The following POLRMT variants were observed in gnomAD, a reference collection of about 807,000 sequenced individuals.
POLRMT encodes DNA-directed RNA polymerase, mitochondrial.
POLRMT carries 114 observed loss-of-function variants against 132.2 expected under a neutral mutation model. The observed-to-expected ratio is 0.86, with a 90% confidence interval of 0.74 to 1.01. The LOEUF is 1.01. Ranked by LOEUF, POLRMT falls within the 50% of genes least tolerant of loss-of-function variation. The pLI is 0.00. For synonymous variants in POLRMT, 1,020 were observed against 773.4 expected (o/e 1.32, Z -5.29); for missense variants, 2,003 against 1,729.1 (o/e 1.16, Z -2.81).
At position 621,866 on chromosome 19, in the gene POLRMT, C is replaced by T. The variant is rs771632426; in HGVS notation, c.1852-20G>A. 5.6e-6 allele frequency: 9 copies of T among 1,599,742 alleles called. 1 individual carries two copies. The highest frequency in any genetic ancestry group is 2.7e-5 in the African/African-American group (2 of 74,936). On this transcript the variant is annotated intron_variant, in intron 9 of 20. Coordinates refer to ENST00000588649, the MANE Select transcript of POLRMT (RefSeq NM_005035.4). The stretch of plus-strand genomic sequence containing the variant: ...GCCGATCTGGGGTGCGACAGGCAGA[C>T]GGGTCAGGGCCCCGGTGCTGGGGCT...
At chr19:626,300 T>C (rs891615001) in intron 3 of POLRMT, among the ~76,000 whole-genome samples, 1 of 151,606 alleles carries the variant, frequency 6.6e-6, no homozygotes, top group African/African-American at 2.4e-5. Context: ...TACAGGCACA[T>C]GCCACCACAC....
rs1274276712 is a variant in POLRMT at position 622,820 on chromosome 19, C to T, written c.1455+1G>A. ...ACCCGGCCGCGCGGAGGAAGACGCA[C>T]CTGCAGGAGCATCCGCACCACCTCG... On this transcript the variant is annotated splice_donor_variant, in intron 7 of 20. Coordinates refer to ENST00000588649, the MANE Select transcript of POLRMT (RefSeq NM_005035.4). LOFTEE classifies it high-confidence loss of function. 1.9e-6 allele frequency: 3 copies of T among 1,590,110 alleles called. No individual in the cohort carries two copies. Among genetic ancestry groups the T allele is most frequent in the Middle Eastern group, 1.9e-4 (1 of 5,340 alleles).
intron 2 of POLRMT, among the ~76,000 whole-genome samples, chr19:630,687 C>T (rs1985349508): frequency 2.0e-5 from 3 of 152,176 alleles, no homozygotes; most frequent in Admixed American, 2.0e-4. Flanking sequence ...AGCAAGACCC[C>T]CCCAGCTGGT....
intron 5 of POLRMT, 142 bp downstream of exon 5, chr19:624,577 C>T: frequency 1.0e-6 from 1 of 968,560 alleles, no homozygotes; most frequent in East Asian, 2.7e-5. Flanking sequence ...CCCATCTTCT[C>T]AGAGGAGGAA....
In POLRMT at chr19:621,324, G is replaced by C; in HGVS notation, c.2374C>G (p.Arg792Gly). ...RLSLAQHLRDRVFWLPHNMDF... is the reference protein window; with the variant it reads ...RLSLAQHLRDGVFWLPHNMDF... ...ATGTTGTGCGGCAGCCAGAAGACGC[G>C]GTCCCGCAGGTGCTGCGCCAGCGAG... The change falls in exon 10 of 21, where the codon CGC becomes GGC. Residue 792 changes from arginine (R) to glycine (G), a missense_variant. Transcript: ENST00000588649. 1 of 1,593,786 alleles carries C rather than the reference G, an allele frequency of 6.3e-7. No homozygotes were observed. Among genetic ancestry groups the C allele is most frequent in the East Asian group, 2.2e-5 (1 of 44,466 alleles).
chr19:632,216 T>A (rs1442633949), intron 2 of POLRMT, among the ~76,000 whole-genome samples: 2 of 151,974 alleles, frequency 1.3e-5, no homozygotes, highest in Middle Eastern at 3.2e-3. Context: ...ATTACAGGCG[T>A]GAGCCACCGC....
intron 6 of POLRMT, 23 bp from the exon 7 acceptor site, chr19:623,008 G>A (rs1194962127): frequency 1.9e-6 from 3 of 1,607,270 alleles, no homozygotes; most frequent in Non-Finnish European, 2.5e-6. Flanking sequence ...AACGGGCCCG[G>A]TGAGCCCCGT....
chr19:628,235 T>C (rs1187699979), intron 3 of POLRMT, among the ~76,000 whole-genome samples: 6 of 152,198 alleles, frequency 3.9e-5, no homozygotes, highest in Non-Finnish European at 8.8e-5. Flanking sequence ...GCCGCCAGGT[T>C]TGGGACACTT....
chr19:629,678 G>C lies in POLRMT; in HGVS notation c.684C>G (p.Ala228=), dbSNP rs143032914. The C allele has an allele frequency of 2.2e-5, 35 of 1,609,190 alleles. No individual in the cohort carries two copies. The highest frequency in any genetic ancestry group is 6.7e-5 in the Admixed American group (4 of 59,784). ...CAGTGAGCAGGCAGCACTTGAAGAA[G>C]GCCAGGAGCCTCTGCTGCTGACCTG... ...QLSGQQQRLL[A]FFKCCLLTDQ... is the part of the protein sequence containing the mutation. Residue 228 remains alanine (A), a synonymous_variant, in exon 3 of 21, where the codon GCC becomes GCG. Transcript: ENST00000588649.
At chr19:632,479 C>T (rs1985490352) in intron 2 of POLRMT, among the ~76,000 whole-genome samples, 1 of 150,664 alleles carries the variant, frequency 6.6e-6, no homozygotes, top group African/African-American at 2.4e-5. Flanking sequence ...GCCAGGACAG[C>T]TGAGTCAGTT....
rs1227270149 is a variant in POLRMT, at chr19:619,288, C to T, written c.3075G>A (p.Val1025=). 1 of 1,608,718 alleles carries T rather than the reference C, an allele frequency of 6.2e-7. No homozygotes were observed. Among genetic ancestry groups the T allele is most frequent in the Non-Finnish European group, 8.5e-7 (1 of 1,179,336 alleles). ...RELSDFPQEF[V]WEASHYLVRQ... ...GTACGAGATAGTGAGAGGCCTCCCA[C>T]ACGAACTCCTGCAGAGGGCGGGCAG... Residue 1025 remains valine (V), a synonymous_variant, in exon 14 of 21, where the codon GTG becomes GTA. Transcript: ENST00000588649.
At chr19:617,899 C>T (rs1984129733) in intron 17 of POLRMT, 50 bp from the exon 18 acceptor site, 4 of 1,548,708 alleles carry the variant, frequency 2.6e-6, no homozygotes, top group African/African-American at 1.4e-5. Flanking sequence ...ACAGGGCCAC[C>T]CAGTGACCAG....
At position 620,999 on chromosome 19, in the gene POLRMT, CGCCGGGGGA is replaced by C. The variant is rs1309334581; in HGVS notation, c.2640+50_2640+58del. ...GGGGCGCCGGGGGAGGGCGCGGGGG[CGCCGGGGGA>C]GGGCGCGGGGGTGCCGGGAGGGCGG... On this transcript the variant is annotated intron_variant, in intron 10 of 20. Transcript: ENST00000588649. 98 of 1,249,924 alleles carry C rather than the reference CGCCGGGGGA, an allele frequency of 7.8e-5. 1 individual carries two copies. The highest frequency in any genetic ancestry group is 8.9e-5 in the Non-Finnish European group (86 of 962,584). 77.4% of individuals were successfully genotyped at this position (1,249,924 alleles called of 1,614,324 possible).
intron 16 of POLRMT, 38 bp downstream of exon 16, chr19:618,667 G>A (rs770035380): frequency 3.7e-6 from 6 of 1,604,178 alleles, no homozygotes; most frequent in Non-Finnish European, 5.1e-6. Flanking sequence ...CTGCTCTCCA[G>A]ACCCCCGGCC....
intron 2 of POLRMT, 50 bp downstream of exon 2, chr19:632,784 A>T: frequency 4.8e-6 from 7 of 1,443,464 alleles, no homozygotes; most frequent in Non-Finnish European, 6.5e-6. Context: ...TTCTCCCGGC[A>T]GCAGGGAGCG....
At chr19:628,898 G>A (rs887552917) in intron 3 of POLRMT, among the ~76,000 whole-genome samples, 11 of 152,134 alleles carry the variant, frequency 7.2e-5, no homozygotes, top group Non-Finnish European at 1.6e-4. Context: ...CAGCTACTTA[G>A]GAGGCTGAGG....
At position 630,181 on chromosome 19, in the gene POLRMT, G is replaced by A. The variant is rs750191556; in HGVS notation, c.194-13C>T. ...CGCGCCTGGAGCACTGTGAGGGGCA[G>A]AAGGCGAGGACATGAGAGGGACCCC... On this transcript the variant is annotated splice_polypyrimidine_tract_variant and intron_variant, in intron 2 of 20. Transcript: ENST00000588649. The A allele has an allele frequency of 3.2e-6, 5 of 1,571,604 alleles. No homozygotes were observed. The highest frequency in any genetic ancestry group is 4.3e-6 in the Non-Finnish European group (5 of 1,157,824).
chr19:627,719 G>A (rs1327311462), intron 3 of POLRMT, among the ~76,000 whole-genome samples: 1 of 150,440 alleles, frequency 6.6e-6, no homozygotes, highest in African/African-American at 2.4e-5. Context: ...GAGGTCAGGA[G>A]TTTGAGACCA....
chr19:618,921 C>T, intron 15 of POLRMT, 76 bp downstream of exon 15: 10 of 1,378,722 alleles, frequency 7.3e-6, no homozygotes, highest in African/African-American at 1.4e-5. Context: ...TGGTGGTACG[C>T]TGGGGCACTG....
Sources: gnomAD v4.1 joint callset for allele counts (sites outside exome capture counted in the v4.1 genomes callset) on GRCh38, gnomAD v4.1.1 for gene constraint, MANE v1.5 for transcripts, NCBI Gene and HGNC (gene_info 2026-07-23, HGNC 2026-07-21) for gene names.